SMYD2: variants seen among roughly 807,000 people sequenced by gnomAD.
SMYD2 encodes the protein N-lysine methyltransferase SMYD2.
A neutral mutation model predicts 59.1 loss-of-function variants in SMYD2; 53 were observed. That is an observed-to-expected ratio of 0.90 (90% CI 0.72 to 1.13). SMYD2 has a LOEUF of 1.13. Ranked by LOEUF, SMYD2 falls within the 50% of genes most tolerant of loss-of-function variation. The pLI, the probability that SMYD2 is intolerant of heterozygous loss-of-function variation, is 0.00. For synonymous variants in SMYD2, 208 were observed against 198.8 expected, an observed-to-expected ratio of 1.05 and a Z score of -0.39; for missense variants, 494 against 544.7, an observed-to-expected ratio of 0.91 and a Z score of 0.93.
intron 1 of SMYD2, among the ~76,000 whole-genome samples, chr1:214,301,462 G>A (rs1262314537): frequency 1.3e-5 from 2 of 152,052 alleles, no homozygotes; most frequent in African/African-American, 4.8e-5. Flanking sequence ...GAAAATATTA[G>A]TTACCTAGAT....
chr1:214,312,004 G>A lies in SMYD2; in HGVS notation c.238-2758G>A, dbSNP rs1657005400. On this transcript the variant is annotated intron_variant, in intron 2 of 11. Transcript: ENST00000366957. This position sits in a 1 kb window ranked among gnomAD's most constrained non-coding sequence, Gnocchi z 4.1. Reference sequence around the variant, plus strand: ...TCCTCTTTGCTCTGCAGCTGAGGAGGGAGCTGATTAGTCTGCAGGGAGACA... The same window carrying A: ...TCCTCTTTGCTCTGCAGCTGAGGAGAGAGCTGATTAGTCTGCAGGGAGACA... 6.6e-6 allele frequency among the ~76,000 whole-genome samples: 1 copy of A among 152,140 alleles called. No homozygotes were observed. The highest frequency in any genetic ancestry group is 1.5e-5 in the Non-Finnish European group (1 of 68,030).
chr1:214,295,718 C>T (rs1377982801), intron 1 of SMYD2, among the ~76,000 whole-genome samples: 2 of 152,232 alleles, frequency 1.3e-5, no homozygotes, highest in Non-Finnish European at 2.9e-5. Context: ...TTCACTGTTA[C>T]ATTGTGGATT....
At chr1:214,326,512 C>T (rs1657264753) in intron 6 of SMYD2, among the ~76,000 whole-genome samples, 1 of 151,996 alleles carries the variant, frequency 6.6e-6, no homozygotes, top group African/African-American at 2.4e-5. Flanking sequence ...CATCACTTTC[C>T]AGGAAGCCAA....
At chr1:214,305,125 T>C in intron 1 of SMYD2, 62 bp from the exon 2 acceptor site, 1 of 1,524,846 alleles carries the variant, frequency 6.6e-7, no homozygotes, top group Non-Finnish European at 9.1e-7. Context: ...TGTTGCATGA[T>C]AAAATGTACA....
chr1:214,332,360 C>G (rs1657370189), intron 10 of SMYD2, 168 bp downstream of exon 10: 4 of 717,166 alleles, frequency 5.6e-6, no homozygotes, highest in Non-Finnish European at 9.0e-6. Flanking sequence ...CCGAGTCAGG[C>G]CTGTTCTCAC....
At chr1:214,332,271 GC>G in intron 10 of SMYD2, 79 bp downstream of exon 10, 1 of 1,513,094 alleles carries the variant, frequency 6.6e-7, no homozygotes, top group Non-Finnish European at 8.9e-7. Context: ...TCATCTTCCT[GC>G]CCATTGCTGA....
chr1:214,298,824 C>T (rs1656773938), intron 1 of SMYD2, among the ~76,000 whole-genome samples: 1 of 152,326 alleles, frequency 6.6e-6, no homozygotes, highest in South Asian at 2.1e-4. Context: ...AACCATCTCA[C>T]ATCAGTTAAA....
intron 1 of SMYD2, among the ~76,000 whole-genome samples, chr1:214,302,582 CAT>C (rs1437737085): frequency 6.6e-6 from 1 of 152,178 alleles, no homozygotes; most frequent in African/African-American, 2.4e-5. Flanking sequence ...GTAGAAATGA[CAT>C]ATCATATTGC....
At chr1:214,284,264 T>TTTG (rs1553253669) in intron 1 of SMYD2, among the ~76,000 whole-genome samples, 19 of 141,736 alleles carry the variant, frequency 1.3e-4, no homozygotes, top group Non-Finnish European at 2.3e-4. Context: ...GTTTTTTTTT[T>TTTG]TTTTTTTTTT....
At position 214,297,905 on chromosome 1, in the gene SMYD2, A is replaced by G. The variant is rs138306420; in HGVS notation, c.174-7282A>G. Among the ~76,000 whole-genome samples the G allele has an allele frequency of 4.6e-5, 7 of 152,232 alleles. No homozygotes were observed. In the East Asian group the frequency reaches 9.6e-4, roughly 21 times the overall value. Reference sequence around the variant, plus strand: ...ACACTGCTGAAAGAAATTAGAGATGACACAAACAAATGGAAAAACATTCCA... The same window carrying G: ...ACACTGCTGAAAGAAATTAGAGATGGCACAAACAAATGGAAAAACATTCCA... On this transcript the variant is annotated intron_variant, in intron 1 of 11. Coordinates refer to ENST00000366957, the MANE Select transcript of SMYD2 (RefSeq NM_020197.3).
chr1:214,336,128 C>T (rs1243479118), intron 11 of SMYD2, among the ~76,000 whole-genome samples: 1 of 150,710 alleles, frequency 6.6e-6, no homozygotes, highest in African/African-American at 2.5e-5. Context: ...AAGAGAATGT[C>T]ATGAAATCAG....
At chr1:214,331,665 T>C in intron 9 of SMYD2, 2 of 209,902 alleles carry the variant, frequency 9.5e-6, no homozygotes, top group Admixed American at 1.0e-4. Flanking sequence ...GCACATTGTT[T>C]CTCAGCATAA....
chr1:214,297,068 A>G (rs1478685228), intron 1 of SMYD2, among the ~76,000 whole-genome samples: 1 of 152,174 alleles, frequency 6.6e-6, no homozygotes, highest in Non-Finnish European at 1.5e-5. Context: ...GTATACAGCA[A>G]TTTCCACACG....
intron 3 of SMYD2, among the ~76,000 whole-genome samples, chr1:214,316,773 G>C (rs909491377): frequency 6.6e-6 from 1 of 152,132 alleles, no homozygotes; most frequent in Non-Finnish European, 1.5e-5. Context: ...GCCATTCATG[G>C]GTTGCCTGTA....
At chr1:214,334,414 C>A in intron 11 of SMYD2, 106 bp downstream of exon 11, 1 of 1,002,754 alleles carries the variant, frequency 1.0e-6, no homozygotes, top group Non-Finnish European at 1.6e-6. Flanking sequence ...GGAGGGTGAG[C>A]AGCTCTCACC....
At chr1:214,298,805 A>G (rs868335302) in intron 1 of SMYD2, among the ~76,000 whole-genome samples, 1 of 152,206 alleles carries the variant, frequency 6.6e-6, no homozygotes, top group South Asian at 2.1e-4. Flanking sequence ...CATCAAAACC[A>G]CGATGAGAAA....
At chr1:214,281,544 CGGGGTGGGGGGCGGGGA>C in intron 1 of SMYD2, 117 bp downstream of exon 1, 1 of 250,918 alleles carries the variant, frequency 4.0e-6, no homozygotes, top group Non-Finnish European at 5.7e-6. Flanking sequence ...GCCCTTGGGG[CGGGGTGGGGGGCGGGGA>C]GGGGAGGAGG....
chr1:214,318,764 C>T lies in SMYD2; in HGVS notation c.410-95C>T, dbSNP rs1385583921. ...TAGTTTTGGGTTTTTTTTTTTTCGCCCGTTCCTTTCCTCTGTATCATTTAC... is the reference window on the plus strand; with the variant it reads ...TAGTTTTGGGTTTTTTTTTTTTCGCTCGTTCCTTTCCTCTGTATCATTTAC... On this transcript the variant is annotated intron_variant, in intron 4 of 11. Transcript: ENST00000366957. This position sits in a 1 kb window ranked among gnomAD's most constrained non-coding sequence, Gnocchi z 5.4. The T allele has an allele frequency of 5.1e-6, 7 of 1,378,768 alleles. No homozygotes were observed. Among genetic ancestry groups the T allele is most frequent in the Non-Finnish European group, 5.8e-6 (6 of 1,028,878 alleles). 85.4% of individuals were successfully genotyped at this position (1,378,768 alleles called of 1,614,324 possible).
intron 2 of SMYD2, among the ~76,000 whole-genome samples, chr1:214,310,924 T>C (rs74635639): frequency 0.012 from 1,755 of 152,318 alleles, 31 homozygotes; most frequent in African/African-American, 0.04. Context: ...TTTTTAAGAA[T>C]TAAAGCTGTG....
Sources: gnomAD v4.1 joint callset for allele counts (sites outside exome capture counted in the v4.1 genomes callset) on GRCh38, gnomAD v4.1.1 for gene constraint, Gnocchi (gnomAD v3.1) non-coding constraint, MANE v1.5 for transcripts, NCBI Gene and HGNC (gene_info 2026-07-23, HGNC 2026-07-21) for gene names.